Variants in LRRC7 observed in about 807,000 individuals in gnomAD.
LRRC7 encodes the protein leucine rich repeat containing 7.
LRRC7 carries 23 observed loss-of-function variants against 175.7 expected under a neutral mutation model. That is an observed-to-expected ratio of 0.13 (90% CI 0.09 to 0.19). LRRC7 has a LOEUF of 0.19. LRRC7 is among the 10% of genes least tolerant of loss of function. LRRC7 has a pLI of 1.00. For missense variants in LRRC7, 1,354 were observed against 1,904.7 expected, an observed-to-expected ratio of 0.71 and a Z score of 5.38; for synonymous variants, 685 against 680.9, an observed-to-expected ratio of 1.01 and a Z score of -0.09.
chr1:69,963,628 T>C (rs546687231), intron 8 of LRRC7, among the ~76,000 whole-genome samples: 1 of 151,790 alleles, frequency 6.6e-6, no homozygotes, highest in Non-Finnish European at 1.5e-5. Context: ...GTTTTTTGTG[T>C]TTTTTTTGGA....
At chr1:69,960,677 G>A (rs1160476489) in intron 8 of LRRC7, among the ~76,000 whole-genome samples, 1 of 151,220 alleles carries the variant, frequency 6.6e-6, no homozygotes, top group African/African-American at 2.4e-5. Flanking sequence ...TTTCTGGTAT[G>A]CGAATCAATA....
chr1:69,980,347 T>C, intron 8 of LRRC7, 32 bp from the exon 9 acceptor site: 1 of 1,540,886 alleles, frequency 6.5e-7, no homozygotes, highest in Non-Finnish European at 8.9e-7. Flanking sequence ...AATTTTGTTT[T>C]CCTCTCTCCT....
intron 2 of LRRC7, among the ~76,000 whole-genome samples, chr1:69,692,031 A>G (rs971411308): frequency 6.6e-6 from 1 of 152,200 alleles, no homozygotes; most frequent in Non-Finnish European, 1.5e-5. Flanking sequence ...ATTGGAGAAC[A>G]CAGTTGGGAT....
At chr1:69,712,657 G>T (rs776490432) in intron 2 of LRRC7, among the ~76,000 whole-genome samples, 1 of 152,058 alleles carries the variant, frequency 6.6e-6, no homozygotes, top group African/African-American at 2.4e-5. Context: ...TAGTATTCTG[G>T]TCTCTATTAT....
chr1:69,962,140 G>GA (rs369026437), intron 8 of LRRC7, among the ~76,000 whole-genome samples: 1,935 of 150,056 alleles, frequency 0.013, 33 homozygotes, highest in African/African-American at 0.043. Flanking sequence ...AATTTACCAA[G>GA]AAAAAAAAAC....
In LRRC7 at chr1:69,915,047, C is replaced by T. The variant is rs75616947; in HGVS notation, c.648-16460C>T. 4.8e-3 allele frequency among the ~76,000 whole-genome samples: 731 copies of T among 152,278 alleles called. 10 individuals are homozygous for T. The highest frequency in any genetic ancestry group is 0.016 in the African/African-American group (676 of 41,564). On this transcript the variant is annotated intron_variant, in intron 7 of 26. Transcript: ENST00000651989. ...AGTGCTAGAAAAAGAGATGAAGATCCTGTGTCAGCACTGTCACTAATTTTC... is the reference window on the plus strand; with the variant it reads ...AGTGCTAGAAAAAGAGATGAAGATCTTGTGTCAGCACTGTCACTAATTTTC...
intron 1 of LRRC7, among the ~76,000 whole-genome samples, chr1:69,625,828 T>C (rs930330501): frequency 5.3e-5 from 8 of 152,196 alleles, no homozygotes; most frequent in Non-Finnish European, 8.8e-5. Flanking sequence ...TTTATGCCAA[T>C]TATTTCTTGC....
At chr1:69,924,362 G>C (rs897585867) in intron 7 of LRRC7, among the ~76,000 whole-genome samples, 13 of 152,056 alleles carry the variant, frequency 8.5e-5, no homozygotes, top group African/African-American at 2.7e-4. Flanking sequence ...AGCTTGATGG[G>C]GATGGCATTG....
intron 2 of LRRC7, among the ~76,000 whole-genome samples, chr1:69,727,727 TG>T (rs1667129439): frequency 6.6e-6 from 1 of 152,212 alleles, no homozygotes; most frequent in South Asian, 2.1e-4. Flanking sequence ...CAGAGTGTAT[TG>T]AAGAGTCTGG....
At chr1:69,595,307 C>G (rs532415935) in intron 1 of LRRC7, among the ~76,000 whole-genome samples, 1 of 152,282 alleles carries the variant, frequency 6.6e-6, no homozygotes, top group Non-Finnish European at 1.5e-5. Flanking sequence ...GTAATCCCAG[C>G]TACTCGGGAG....
chr1:69,708,161 G>C (rs12080395), intron 2 of LRRC7, among the ~76,000 whole-genome samples: 1 of 152,068 alleles, frequency 6.6e-6, no homozygotes, highest in Non-Finnish European at 1.5e-5. Context: ...CAATATATAC[G>C]TATGACACAT....
Position 70,138,379 on chromosome 1 carries a change from T to G in LRRC7, c.*16492T>G, listed in dbSNP as rs1010659578. On this transcript the variant is annotated 3_prime_UTR_variant, in exon 27 of 27. Coordinates refer to ENST00000651989, the MANE Select transcript of LRRC7 (RefSeq NM_001370785.2). ...GATCAGTTCTGTAAAGCATAATGCCTACTACACAGACATCATTATTCTACT... is the reference window on the plus strand; with the variant it reads ...GATCAGTTCTGTAAAGCATAATGCCGACTACACAGACATCATTATTCTACT... 1 of 152,200 alleles carries G rather than the reference T, an allele frequency of 6.6e-6. No homozygotes were observed. The highest frequency in any genetic ancestry group is 2.4e-5 in the African/African-American group (1 of 41,446). The allele number at this position is 152,200 out of a possible 1,614,324, so 9.4% of individuals were successfully genotyped here.
At chr1:69,758,324 A>G (rs929451341) in intron 2 of LRRC7, among the ~76,000 whole-genome samples, 41 of 152,036 alleles carry the variant, frequency 2.7e-4, no homozygotes, top group African/African-American at 9.9e-4. Context: ...AAATGTTTTT[A>G]TTCAGCCTTC....
At chr1:70,004,705 ATCTCTCTC>A (rs139541811) in intron 11 of LRRC7, among the ~76,000 whole-genome samples, 1 of 148,052 alleles carries the variant, frequency 6.8e-6, no homozygotes. Context: ...TGCCAAACAA[ATCTCTCTC>A]TCTCTCTCTC....
chr1:69,718,846 GA>G (rs112567532), intron 2 of LRRC7, among the ~76,000 whole-genome samples: 1 of 151,644 alleles, frequency 6.6e-6, no homozygotes, highest in Non-Finnish European at 1.5e-5. Context: ...ATGATTGAGG[GA>G]AAAAAAGCTT....
chr1:70,109,469 A>C (rs1044272918), intron 26 of LRRC7, among the ~76,000 whole-genome samples: 1 of 152,236 alleles, frequency 6.6e-6, no homozygotes, highest in Non-Finnish European at 1.5e-5. Flanking sequence ...AGTTCATTCT[A>C]TGCAGGCAGA....
In LRRC7 at chr1:69,804,071, A is replaced by G. The variant is rs138882617; in HGVS notation, c.421+11911A>G. On this transcript the variant is annotated intron_variant, in intron 4 of 26. Coordinates refer to ENST00000651989, the MANE Select transcript of LRRC7 (RefSeq NM_001370785.2). ...ATTATGTCCCTTCTTTTACTTTCTT[A>G]TGGTTTACTAAATTGTTTTCTGGTG... Among the ~76,000 whole-genome samples the G allele has an allele frequency of 8.6e-5, 13 of 151,190 alleles. No individual in the cohort carries two copies. In the East Asian group the frequency reaches 2.3e-3, roughly 27 times the overall value.
At chr1:70,111,448 T>C (rs919661328) in intron 26 of LRRC7, among the ~76,000 whole-genome samples, 1 of 152,156 alleles carries the variant, frequency 6.6e-6, no homozygotes. Context: ...TCTGTTAAGT[T>C]CAATTATATA....
In LRRC7 at chr1:69,928,720, T is replaced by C. The variant is rs1196678030; in HGVS notation, c.648-2787T>C. The stretch of plus-strand genomic sequence containing the variant: ...CCAGGTGCCGTCTGTCACCCCTTTC[T>C]TTGACTAGGAAAGGGAACTCCTTGA... On this transcript the variant is annotated intron_variant, in intron 7 of 26. Coordinates refer to ENST00000651989, the MANE Select transcript of LRRC7 (RefSeq NM_001370785.2). 2.0e-5 allele frequency among the ~76,000 whole-genome samples: 3 copies of C among 152,304 alleles called. No homozygotes were observed. In the East Asian group the frequency reaches 5.8e-4, roughly 29 times the overall value.
Sources: allele counts gnomAD v4.1 joint callset (sites outside exome capture counted in the v4.1 genomes callset), GRCh38; gene constraint gnomAD v4.1.1; transcripts MANE v1.5; gene names NCBI Gene and HGNC (gene_info 2026-07-23, HGNC 2026-07-21).